The following DNASE2B variants were observed in gnomAD, a reference collection of about 807,000 sequenced individuals.
The protein encoded by DNASE2B is deoxyribonuclease-2-beta.
A neutral mutation model predicts 46.0 loss-of-function variants in DNASE2B; 43 were observed. The observed-to-expected ratio is 0.94, with a 90% CI of 0.73 to 1.21. DNASE2B has a LOEUF of 1.21. DNASE2B is among the 50% of genes most tolerant of loss of function. The pLI is 0.00. For synonymous variants in DNASE2B, 156 were observed against 152.5 expected (o/e 1.02, Z -0.17); for missense variants, 395 against 414.4 (o/e 0.95, Z 0.41).
rs568984882 is a variant in DNASE2B, at chr1:84,410,003, T to C, written c.386-835T>C. Among the ~76,000 whole-genome samples, 92 of 152,032 alleles carry C rather than the reference T, an allele frequency of 6.1e-4. 2 individuals carry two copies. In the South Asian group the frequency reaches 0.011, roughly 17 times the overall value. ...GTATGCTTTCTTAAAATAGGCACTT[T>C]GAAAAAAAAATAACTAGAAGGCATT... On this transcript the variant is annotated intron_variant, in intron 3 of 5. Coordinates refer to ENST00000370665, the MANE Select transcript of DNASE2B (RefSeq NM_021233.3).
rs562960685 is a variant in DNASE2B at position 84,398,820 on chromosome 1, G to A, written c.125+131G>A. 4 of 1,383,394 alleles carry A rather than the reference G, an allele frequency of 2.9e-6. No homozygotes were observed. In the East Asian group the frequency reaches 9.7e-5, roughly 34 times the overall value. 85.7% of individuals were successfully genotyped at this position (1,383,394 alleles called of 1,614,324 possible). A position where few individuals can be genotyped will look rare whatever the true frequency, so the allele number is the denominator to read the frequency against. ...CTTTACAAATAAAGGAAGTTAAAGT[G>A]TGCAAATCGGCCAAACTCCCAGGCA... On this transcript the variant is annotated intron_variant, in intron 1 of 5. Transcript: ENST00000370665.
chr1:84,403,886 A>G (rs1680458389), intron 2 of DNASE2B, among the ~76,000 whole-genome samples: 1 of 150,974 alleles, frequency 6.6e-6, no homozygotes. Flanking sequence ...TCCCAGGCCC[A>G]GGTGACCCTC....
chr1:84,404,348 A>G (rs1438087837), intron 2 of DNASE2B, among the ~76,000 whole-genome samples: 2 of 152,186 alleles, frequency 1.3e-5, no homozygotes, highest in Non-Finnish European at 2.9e-5. Context: ...TGACTCTGTC[A>G]TAAATCCTGT....
At chr1:84,406,230 T>C (rs1680488577) in intron 2 of DNASE2B, among the ~76,000 whole-genome samples, 1 of 152,168 alleles carries the variant, frequency 6.6e-6, no homozygotes, top group South Asian at 2.1e-4. Context: ...AGGTTGGGGA[T>C]GGGGACCAGA....
intron 1 of DNASE2B, among the ~76,000 whole-genome samples, chr1:84,399,699 G>GT (rs1458282707): frequency 2.0e-5 from 3 of 151,478 alleles, no homozygotes; most frequent in Non-Finnish European, 4.4e-5. Context: ...AAGTAGTTTG[G>GT]TATTGCTGGA....
At position 84,414,727 on chromosome 1, in the gene DNASE2B, C is replaced by T. The variant is rs759054755; in HGVS notation, c.945C>T (p.Thr315=). Residue 315 remains threonine (T), a synonymous_variant, in exon 6 of 6, where the codon ACC becomes ACT. Coordinates refer to ENST00000370665, the MANE Select transcript of DNASE2B (RefSeq NM_021233.3). ...AGTGGTGTATTTCCCAAAAGGGCAC[C>T]AAAAATCGCTGGACATGTATTGGAG... is the stretch of plus-strand genomic sequence containing the variant. ...HAKWCISQKG[T]KNRWTCIGDL... 6 of 1,613,896 alleles carry T rather than the reference C, an allele frequency of 3.7e-6. No individual in the cohort carries two copies. Among genetic ancestry groups the T allele is most frequent in the Middle Eastern group, 3.3e-4 (2 of 6,084 alleles).
intron 3 of DNASE2B, among the ~76,000 whole-genome samples, chr1:84,408,945 T>C (rs892746082): frequency 1.3e-5 from 2 of 151,924 alleles, no homozygotes; most frequent in African/African-American, 2.4e-5. Context: ...GAGCTCTTCT[T>C]AACATACAGT....
At chr1:84,414,391 T>A in intron 5 of DNASE2B, 137 bp from the exon 6 acceptor site, 1 of 697,646 alleles carries the variant, frequency 1.4e-6, no homozygotes, top group Non-Finnish European at 2.3e-6. Context: ...ATCCACTATC[T>A]CAATTATGTT....
At position 84,398,497 on chromosome 1, in the gene DNASE2B, C is replaced by T; in HGVS notation, c.-68C>T. On this transcript the variant is annotated 5_prime_UTR_variant, in exon 1 of 6. Transcript: ENST00000370665. Reference sequence around the variant, plus strand: ...AAATCAAACGTCAGAGCCAGCACAGCCTGAGAGCGCCTTGAAACTCAGACT... The same window carrying T: ...AAATCAAACGTCAGAGCCAGCACAGTCTGAGAGCGCCTTGAAACTCAGACT... 6.3e-7 allele frequency: 1 copy of T among 1,592,834 alleles called. No individual in the cohort carries two copies. Among genetic ancestry groups the T allele is most frequent in the Non-Finnish European group, 8.6e-7 (1 of 1,167,628 alleles).
At chr1:84,409,428 G>A (rs772386443) in intron 3 of DNASE2B, among the ~76,000 whole-genome samples, 1 of 152,022 alleles carries the variant, frequency 6.6e-6, no homozygotes, top group Non-Finnish European at 1.5e-5. Context: ...AATATTTGTG[G>A]AAAAACTCCC....
intron 2 of DNASE2B, among the ~76,000 whole-genome samples, chr1:84,404,063 T>C (rs568742961): frequency 6.6e-6 from 1 of 150,734 alleles, no homozygotes; most frequent in African/African-American, 2.4e-5. Flanking sequence ...CATATTGGCC[T>C]CTGAAGTGCT....
chr1:84,409,585 A>C (rs1035984032), intron 3 of DNASE2B, among the ~76,000 whole-genome samples: 1 of 152,214 alleles, frequency 6.6e-6, no homozygotes, highest in Non-Finnish European at 1.5e-5. Context: ...GACAAAGGTC[A>C]TGAACTTTGA....
At chr1:84,401,806 C>A in intron 1 of DNASE2B, 95 bp from the exon 2 acceptor site, 2 of 983,944 alleles carry the variant, frequency 2.0e-6, no homozygotes, top group Non-Finnish European at 2.8e-6. Flanking sequence ...TTCCATGAAA[C>A]AGAAATGAGA....
chr1:84,411,350 A>G (rs1570306409), intron 4 of DNASE2B, among the ~76,000 whole-genome samples: 1 of 152,050 alleles, frequency 6.6e-6, no homozygotes. Flanking sequence ...CAGTTCCATC[A>G]TACTGTGGCT....
At chr1:84,407,830 T>C (rs532602415) in intron 2 of DNASE2B, among the ~76,000 whole-genome samples, 18 of 152,296 alleles carry the variant, frequency 1.2e-4, no homozygotes, top group South Asian at 6.2e-4. Flanking sequence ...CACCACTTTT[T>C]TTAAGCAGGA....
chr1:84,405,906 A>G (rs1384083768), intron 2 of DNASE2B, among the ~76,000 whole-genome samples: 1 of 152,204 alleles, frequency 6.6e-6, no homozygotes, highest in Non-Finnish European at 1.5e-5. Context: ...ATGTTTGTAT[A>G]TGTAAATTTT....
Position 84,414,547 on chromosome 1 carries a change from G to A in DNASE2B, c.765G>A (p.Met255Ile), listed in dbSNP as rs755522428. Residue 255 changes from methionine to isoleucine, a missense_variant, in exon 6 of 6, where the codon ATG (methionine) becomes ATA (isoleucine). Met to Ile is a conservative substitution (Grantham distance 10). Coordinates refer to ENST00000370665, the MANE Select transcript of DNASE2B (RefSeq NM_021233.3). Reference protein sequence around the residue: ...SFLDDIFAAWMAQRLKTHLLT... With the variant: ...SFLDDIFAAWIAQRLKTHLLT... ...CCCTAGACATCTTTGCAGCCTGGAT[G>A]GCTCAACGGCTGAAGACACACTTGT... The A allele has an allele frequency of 1.2e-6, 2 of 1,611,078 alleles. No homozygotes were observed. The highest frequency in any genetic ancestry group is 1.7e-6 in the Non-Finnish European group (2 of 1,178,504).
Position 84,412,550 on chromosome 1 carries a change from T to A in DNASE2B, c.745+4T>A, listed in dbSNP as rs763740080. ...AAGTCGGATTCTTTTCTTGACGGTA[T>A]GAAAGACCATCATCAAACAACATGC... is the stretch of plus-strand genomic sequence containing the variant. On this transcript the variant is annotated splice_donor_region_variant and intron_variant, in intron 5 of 5. Transcript: ENST00000370665. 2.5e-6 allele frequency: 4 copies of A among 1,600,534 alleles called. No homozygotes were observed. The highest frequency in any genetic ancestry group is 2.6e-6 in the Non-Finnish European group (3 of 1,171,168).
At chr1:84,408,304 T>G (rs572692826) in intron 2 of DNASE2B, 133 bp from the exon 3 acceptor site, 1 of 1,301,602 alleles carries the variant, frequency 7.7e-7, no homozygotes, top group South Asian at 2.4e-5. Flanking sequence ...GGAAGCTGCC[T>G]ATTAGGGGAA....
Sources: gnomAD v4.1 joint callset for allele counts (sites outside exome capture counted in the v4.1 genomes callset) on GRCh38, gnomAD v4.1.1 for gene constraint, MANE v1.5 for transcripts, NCBI Gene and HGNC (gene_info 2026-07-23, HGNC 2026-07-21) for gene names.